Variants in AGBL4 observed in about 807,000 individuals in gnomAD.
AGBL4 encodes cytosolic carboxypeptidase 6.
In AGBL4, 58 loss-of-function variants were observed where a neutral mutation model predicts 66.4. The ratio of observed to expected loss-of-function variants is 0.87; its 90% CI spans 0.71 to 1.09. AGBL4 has a LOEUF of 1.09. Among genes scored for constraint, AGBL4 ranks in the 50% least tolerant of loss-of-function variants. The pLI is 0.00. For missense variants in AGBL4, 579 were observed against 631.0 expected (o/e 0.92, Z 0.88); for synonymous variants, 234 against 222.9 (o/e 1.05, Z -0.44).
intron 3 of AGBL4, among the ~76,000 whole-genome samples, chr1:49,333,336 G>T (rs373029110): frequency 1.3e-5 from 2 of 152,172 alleles, no homozygotes. Context: ...AAATTACCTG[G>T]GCGTGGTGGC....
At chr1:48,878,024 A>G (rs1205012981) in intron 5 of AGBL4, among the ~76,000 whole-genome samples, 1 of 152,216 alleles carries the variant, frequency 6.6e-6, no homozygotes, top group Admixed American at 6.5e-5. Flanking sequence ...GAAGTTTCAT[A>G]TTACAAGAAA....
chr1:49,937,342 A>G (rs1317787777), intron 1 of AGBL4, among the ~76,000 whole-genome samples: 1 of 152,118 alleles, frequency 6.6e-6, no homozygotes, highest in Non-Finnish European at 1.5e-5. Flanking sequence ...TCATAAAGCA[A>G]GTCCTTAGAG....
At chr1:49,554,922 G>A (rs895405420) in intron 3 of AGBL4, among the ~76,000 whole-genome samples, 1 of 152,108 alleles carries the variant, frequency 6.6e-6, no homozygotes, top group Admixed American at 6.6e-5. Context: ...GCTGGCCTCA[G>A]GAGTGAAGCT....
chr1:49,569,832 T>C (rs1644290662), intron 3 of AGBL4, among the ~76,000 whole-genome samples: 1 of 152,170 alleles, frequency 6.6e-6, no homozygotes, highest in South Asian at 2.1e-4. Flanking sequence ...TGAGAACATA[T>C]GATACTTTCC....
chr1:49,876,982 T>C (rs1234997196), intron 1 of AGBL4, among the ~76,000 whole-genome samples: 2 of 151,746 alleles, frequency 1.3e-5, no homozygotes, highest in African/African-American at 4.9e-5. Context: ...TGTATAGGAA[T>C]GCTTGTGATT....
intron 6 of AGBL4, among the ~76,000 whole-genome samples, chr1:48,849,693 C>CT (rs1646990553): frequency 1.3e-5 from 2 of 152,228 alleles, no homozygotes; most frequent in African/African-American, 4.8e-5. Flanking sequence ...CTTTTTGAGA[C>CT]TGGGGGCGGT....
intron 1 of AGBL4, among the ~76,000 whole-genome samples, chr1:49,898,628 GA>G (rs903748851): frequency 1.3e-5 from 2 of 151,492 alleles, no homozygotes; most frequent in Admixed American, 6.6e-5. Flanking sequence ...ATACGCAAAG[GA>G]AAAAAAATCA....
chr1:48,815,280 C>T (rs1646147367), intron 6 of AGBL4, among the ~76,000 whole-genome samples: 1 of 152,132 alleles, frequency 6.6e-6, no homozygotes, highest in Non-Finnish European at 1.5e-5. Flanking sequence ...GTGAATTTTT[C>T]AAACAAACAG....
At chr1:48,764,408 C>A (rs1291677790) in intron 6 of AGBL4, among the ~76,000 whole-genome samples, 1 of 151,794 alleles carries the variant, frequency 6.6e-6, no homozygotes. Context: ...AGTTGGTGCT[C>A]ATAAAAGGAT....
At chr1:48,877,601 A>G (rs1245193602) in intron 5 of AGBL4, among the ~76,000 whole-genome samples, 2 of 152,192 alleles carry the variant, frequency 1.3e-5, no homozygotes, top group African/African-American at 4.8e-5. Flanking sequence ...AATTAAAGAC[A>G]TGGAGAAAAA....
chr1:49,957,728 T>A (rs2148336376), intron 1 of AGBL4, among the ~76,000 whole-genome samples: 1 of 152,186 alleles, frequency 6.6e-6, no homozygotes, highest in Middle Eastern at 3.4e-3. Flanking sequence ...TCTTCCTCCA[T>A]CCCTTTATTT....
chr1:48,821,770 A>G (rs1396884695), intron 6 of AGBL4, among the ~76,000 whole-genome samples: 1 of 152,152 alleles, frequency 6.6e-6, no homozygotes, highest in Non-Finnish European at 1.5e-5. Flanking sequence ...AGATATTAAG[A>G]AAGTGAAAAG....
chr1:49,459,985 T>A (rs923540228), intron 3 of AGBL4, among the ~76,000 whole-genome samples: 1 of 151,646 alleles, frequency 6.6e-6, no homozygotes, highest in Non-Finnish European at 1.5e-5. Flanking sequence ...GAGTACTTGA[T>A]ACAATTTTGA....
chr1:49,781,791 A>C (rs1644343724), intron 2 of AGBL4, among the ~76,000 whole-genome samples: 1 of 152,142 alleles, frequency 6.6e-6, no homozygotes, highest in Admixed American at 6.6e-5. Context: ...TCTGAAATAT[A>C]CTTTCTAGAC....
chr1:48,562,427 T>G (rs942504665), intron 11 of AGBL4, among the ~76,000 whole-genome samples: 1 of 152,196 alleles, frequency 6.6e-6, no homozygotes, highest in African/African-American at 2.4e-5. Context: ...ATTGAAGGCT[T>G]AACCTCCCTT....
At chr1:49,567,307 C>T (rs895172336) in intron 3 of AGBL4, among the ~76,000 whole-genome samples, 14 of 152,172 alleles carry the variant, frequency 9.2e-5, no homozygotes, top group African/African-American at 3.4e-4. Context: ...CACCCACTGT[C>T]CTGCACCCAC....
In AGBL4 at chr1:48,764,173, T is replaced by C. The variant is rs912242449; in HGVS notation, c.635-100932A>G. On this transcript the variant is annotated intron_variant, in intron 6 of 13. Coordinates refer to ENST00000371839, the MANE Select transcript of AGBL4 (RefSeq NM_032785.4). ...TAACTGCTAAAGGATTTTAGGAGCA[T>C]GGGAGATCACTTCCGTCAGTGTAAC... 4.6e-5 allele frequency among the ~76,000 whole-genome samples: 7 copies of C among 152,210 alleles called. No homozygotes were observed. In the South Asian group the frequency reaches 1.0e-3, roughly 23 times the overall value.
intron 3 of AGBL4, among the ~76,000 whole-genome samples, chr1:49,351,783 G>A (rs1349783333): frequency 2.0e-5 from 3 of 152,072 alleles, no homozygotes; most frequent in Non-Finnish European, 4.4e-5. Context: ...CTACTAACTT[G>A]TGACTATGTG....
At chr1:49,556,378 G>A (rs898752358) in intron 3 of AGBL4, among the ~76,000 whole-genome samples, 2 of 152,040 alleles carry the variant, frequency 1.3e-5, no homozygotes, top group Non-Finnish European at 2.9e-5. Context: ...CGCCTGTCGT[G>A]AGGTGGGGGA....
Sources: gnomAD v4.1 joint callset for allele counts (sites outside exome capture counted in the v4.1 genomes callset) on GRCh38, gnomAD v4.1.1 for gene constraint, MANE v1.5 for transcripts, NCBI Gene and HGNC (gene_info 2026-07-23, HGNC 2026-07-21) for gene names.